PDE1C: variants seen among roughly 807,000 people sequenced by gnomAD.
PDE1C encodes the protein phosphodiesterase 1C.
PDE1C carries 62 observed loss-of-function variants against 93.1 expected under a neutral mutation model. The observed-to-expected ratio is 0.67, with a 90% CI of 0.54 to 0.82. The LOEUF (loss-of-function observed/expected upper bound fraction) is 0.82, where lower values mean the gene tolerates loss of function less well. PDE1C is among the 40% of genes least tolerant of loss of function. The pLI is 0.00. For missense variants in PDE1C, 742 were observed against 884.6 expected (o/e 0.84, Z 2.04); for synonymous variants, 325 against 310.1 (o/e 1.05, Z -0.50).
intron 2 of PDE1C, among the ~76,000 whole-genome samples, chr7:31,952,238 A>G (rs1807468012): frequency 6.6e-6 from 1 of 151,948 alleles, no homozygotes; most frequent in Admixed American, 6.6e-5. Context: ...GAATGTACCT[A>G]TATTAGAGAA....
intron 9 of PDE1C, among the ~76,000 whole-genome samples, chr7:31,845,218 C>G (rs1047658094): frequency 1.3e-5 from 2 of 152,018 alleles, no homozygotes; most frequent in Non-Finnish European, 2.9e-5. Flanking sequence ...TTTAAAAGTC[C>G]AAAGTCCTCA....
chr7:31,788,481 C>T (rs879375645), intron 16 of PDE1C: 3 of 152,106 alleles, frequency 2.0e-5, no homozygotes, highest in East Asian at 1.9e-4. Context: ...CTAGGACCCC[C>T]ATCCCCACAC....
chr7:31,948,626 T>C (rs954761134), intron 2 of PDE1C, among the ~76,000 whole-genome samples: 8 of 152,170 alleles, frequency 5.3e-5, no homozygotes, highest in Non-Finnish European at 1.0e-4. Context: ...TAATTGTCCC[T>C]GTCATTGATG....
chr7:32,153,837 T>C (rs1455266767), intron 3 of PDE1C, among the ~76,000 whole-genome samples: 1 of 152,202 alleles, frequency 6.6e-6, no homozygotes, highest in African/African-American at 2.4e-5. Context: ...ATTTGTTTGG[T>C]CGCCTTATTT....
chr7:31,819,501 G>A (rs916767798), intron 14 of PDE1C, among the ~76,000 whole-genome samples: 1 of 152,048 alleles, frequency 6.6e-6, no homozygotes, highest in African/African-American at 2.4e-5. Context: ...CATCTACTAG[G>A]CTTCTTGACT....
chr7:31,969,375 A>G (rs1443214322), intron 2 of PDE1C, among the ~76,000 whole-genome samples: 2 of 152,262 alleles, frequency 1.3e-5, no homozygotes, highest in African/African-American at 4.8e-5. Flanking sequence ...TATGTGGCCA[A>G]AAAACACATG....
intron 2 of PDE1C, among the ~76,000 whole-genome samples, chr7:32,003,020 A>G (rs1785682444): frequency 6.6e-6 from 1 of 152,232 alleles, no homozygotes; most frequent in Non-Finnish European, 1.5e-5. Flanking sequence ...GTCTACTAAT[A>G]TACTAAACCA....
chr7:31,642,014 C>A, the PDE1C span, among the ~76,000 whole-genome samples: 1 of 152,074 alleles, frequency 6.6e-6, no homozygotes. Flanking sequence ...CTCTGACAAT[C>A]GAGAAAAAAA....
intron 2 of PDE1C, among the ~76,000 whole-genome samples, chr7:31,926,887 T>C (rs1403317026): frequency 6.6e-6 from 1 of 150,474 alleles, no homozygotes; most frequent in African/African-American, 2.5e-5. Context: ...GACACCAAGC[T>C]AGCTGCAGGA....
intron 1 of PDE1C, among the ~76,000 whole-genome samples, chr7:32,266,049 C>A (rs1025989364): frequency 8.3e-6 from 1 of 121,108 alleles, no homozygotes; most frequent in Non-Finnish European, 1.8e-5. Flanking sequence ...CCGAGGCAGG[C>A]AGATCATGAG....
At chr7:31,630,221 C>G in the PDE1C span, among the ~76,000 whole-genome samples, 1 of 11,006 alleles carries the variant, frequency 9.1e-5, no homozygotes, top group African/African-American at 3.6e-4. Flanking sequence ...AAGAGGCAAT[C>G]AAAGAAAATA....
chr7:32,326,767 G>A (rs1339427851), intron 1 of PDE1C, among the ~76,000 whole-genome samples: 1 of 152,170 alleles, frequency 6.6e-6, no homozygotes, highest in East Asian at 1.9e-4. Context: ...AGAGCAATGG[G>A]GTAGCAGCTG....
At chr7:31,811,213 T>G (rs1051022858) in intron 15 of PDE1C, among the ~76,000 whole-genome samples, 2 of 152,136 alleles carry the variant, frequency 1.3e-5, no homozygotes, top group Non-Finnish European at 2.9e-5. Context: ...TGCTTGGTTC[T>G]CATTCTTTCT....
chr7:31,837,217 C>A lies in PDE1C; in HGVS notation c.1166G>T (p.Arg389Leu). 1.2e-6 allele frequency: 2 copies of A among 1,613,672 alleles called. No homozygotes were observed. Among genetic ancestry groups the A allele is most frequent in the Non-Finnish European group, 8.5e-7 (1 of 1,179,750 alleles). The change falls in exon 11 of 18, where the codon CGC becomes CTC. Residue 389 changes from arginine to leucine, a missense_variant. Around this residue, in one of 4 missense-constraint regions of PDE1C, gnomAD observed 454 missense variants for 459.4 expected, o/e 0.99. Coordinates refer to ENST00000396191, the MANE Select transcript of PDE1C (RefSeq NM_001191057.4). ...CTCCTCCAGGAGTGACATTGTCCAG[C>A]GATGATGGAGGTCCCATGCTTTTGC... is the stretch of plus-strand genomic sequence containing the variant. Reference protein sequence around the residue: ...HPAKAWDLHHRWTMSLLEEFF... With the variant: ...HPAKAWDLHHLWTMSLLEEFF...
At chr7:31,805,254 C>A (rs1174570284) in intron 16 of PDE1C, among the ~76,000 whole-genome samples, 1 of 151,458 alleles carries the variant, frequency 6.6e-6, no homozygotes, top group African/African-American at 2.4e-5. Context: ...TGAGGACAGA[C>A]TAATACAAGC....
chr7:32,025,065 C>A (rs972254650), intron 2 of PDE1C, among the ~76,000 whole-genome samples: 2 of 152,062 alleles, frequency 1.3e-5, no homozygotes, highest in African/African-American at 4.8e-5. Flanking sequence ...ACAGAAGAGG[C>A]AAATTTCCCA....
chr7:32,088,679 A>C (rs1443557361), intron 3 of PDE1C, among the ~76,000 whole-genome samples: 1 of 152,210 alleles, frequency 6.6e-6, no homozygotes, highest in African/African-American at 2.4e-5. Flanking sequence ...CCCTCTATGC[A>C]CAAGCGGTTC....
At chr7:32,400,608 G>A (rs945643715) in intron 1 of PDE1C, among the ~76,000 whole-genome samples, 1 of 152,204 alleles carries the variant, frequency 6.6e-6, no homozygotes, top group Non-Finnish European at 1.5e-5. Context: ...CTTTTCTCCT[G>A]GAGCTGGTGT....
intron 1 of PDE1C, among the ~76,000 whole-genome samples, chr7:32,063,785 T>G (rs1318586844): frequency 6.6e-6 from 1 of 152,234 alleles, no homozygotes; most frequent in African/African-American, 2.4e-5. Flanking sequence ...CTTCTCTGAA[T>G]CCTAGCATGT....
Sources: allele counts gnomAD v4.1 joint callset (sites outside exome capture counted in the v4.1 genomes callset), GRCh38; gene constraint gnomAD v4.1.1; regional missense constraint gnomAD v4.1.1; transcripts MANE v1.5; gene names NCBI Gene and HGNC (gene_info 2026-07-23, HGNC 2026-07-21).